PPP1R12B: variants seen among roughly 807,000 people sequenced by gnomAD.
PPP1R12B encodes the protein myosin phosphatase target subunit 2.
A neutral mutation model predicts 126.1 loss-of-function variants in PPP1R12B; 76 were observed. The ratio of observed to expected loss-of-function variants is 0.60; its 90% CI spans 0.50 to 0.73. The LOEUF is 0.73. PPP1R12B is among the 30% of genes least tolerant of loss of function. The pLI, the probability that PPP1R12B is intolerant of heterozygous loss-of-function variation, is 0.00. For synonymous variants in PPP1R12B, 356 were observed against 434.7 expected (o/e 0.82, Z 2.25); for missense variants, 1,052 against 1,205.1 (o/e 0.87, Z 1.88).
chr1:202,411,612 A>G (rs1332229951), intron 1 of PPP1R12B, among the ~76,000 whole-genome samples: 1 of 150,860 alleles, frequency 6.6e-6, no homozygotes, highest in African/African-American at 2.4e-5. Context: ...TTTCCCCTTG[A>G]GGCAGTTGCT....
chr1:202,446,256 A>ATATATATTTTTT (rs376183502), intron 12 of PPP1R12B, among the ~76,000 whole-genome samples: 42 of 54,330 alleles, frequency 7.7e-4, no homozygotes, highest in East Asian at 4.8e-3. Context: ...ATATATATAT[A>ATATATATTTTTT]TTTTTTTTTT....
intron 13 of PPP1R12B, among the ~76,000 whole-genome samples, chr1:202,478,010 AT>A (rs1315843122): frequency 6.6e-6 from 1 of 152,110 alleles, no homozygotes; most frequent in Non-Finnish European, 1.5e-5. Flanking sequence ...GGCTTCCATT[AT>A]TTTTATTTCT....
At chr1:202,372,454 A>AG (rs1660453464) in intron 1 of PPP1R12B, among the ~76,000 whole-genome samples, 1 of 152,132 alleles carries the variant, frequency 6.6e-6, no homozygotes, top group Non-Finnish European at 1.5e-5. Flanking sequence ...CAGTGAGCTG[A>AG]GATCAACACT....
intron 18 of PPP1R12B, among the ~76,000 whole-genome samples, chr1:202,549,090 G>A (rs574367897): frequency 6.6e-6 from 1 of 152,054 alleles, no homozygotes; most frequent in Non-Finnish European, 1.5e-5. Flanking sequence ...GTTCCCTATT[G>A]GGGGTATGAA....
intron 9 of PPP1R12B, among the ~76,000 whole-genome samples, chr1:202,435,171 C>G (rs1670649408): frequency 6.6e-6 from 1 of 152,196 alleles, no homozygotes; most frequent in African/African-American, 2.4e-5. Context: ...CTCACAGACC[C>G]TTATCTCCAA....
At chr1:202,381,144 G>A (rs1487123656) in intron 1 of PPP1R12B, among the ~76,000 whole-genome samples, 3 of 151,912 alleles carry the variant, frequency 2.0e-5, no homozygotes, top group Non-Finnish European at 2.9e-5. Flanking sequence ...ACATACATAC[G>A]TACTTTTCAG....
At chr1:202,532,487 A>G (rs1325984306) in intron 18 of PPP1R12B, among the ~76,000 whole-genome samples, 1 of 152,318 alleles carries the variant, frequency 6.6e-6, no homozygotes, top group East Asian at 1.9e-4. Flanking sequence ...AAACATACCA[A>G]TACCTTAGTC....
intron 13 of PPP1R12B, among the ~76,000 whole-genome samples, chr1:202,471,149 C>A (rs1675817423): frequency 1.3e-5 from 2 of 152,236 alleles, no homozygotes; most frequent in South Asian, 4.1e-4. Context: ...TTTTCATTTG[C>A]ATACTTATAT....
chr1:202,373,907 T>A (rs2148460274), intron 1 of PPP1R12B, among the ~76,000 whole-genome samples: 1 of 147,610 alleles, frequency 6.8e-6, no homozygotes, highest in Middle Eastern at 3.4e-3. Context: ...AAATAAAATA[T>A]TATTTCTAAT....
chr1:202,405,838 T>C (rs1276644328), intron 1 of PPP1R12B, among the ~76,000 whole-genome samples: 4 of 152,226 alleles, frequency 2.6e-5, no homozygotes, highest in African/African-American at 2.4e-5. Context: ...TGGGAGGACA[T>C]GACAATAAGT....
chr1:202,539,534 T>G (rs1480386648), intron 18 of PPP1R12B, among the ~76,000 whole-genome samples: 2 of 152,226 alleles, frequency 1.3e-5, no homozygotes, highest in African/African-American at 4.8e-5. Flanking sequence ...TCTTATAAAC[T>G]CTTGGTTCCT....
intron 1 of PPP1R12B, among the ~76,000 whole-genome samples, chr1:202,355,839 G>T (rs1257822372): frequency 6.6e-6 from 1 of 152,148 alleles, no homozygotes; most frequent in African/African-American, 2.4e-5. Context: ...TTCAGTCAAC[G>T]ATTAGACTGA....
At chr1:202,426,425 G>T (rs1244087215) in intron 4 of PPP1R12B, among the ~76,000 whole-genome samples, 1 of 152,094 alleles carries the variant, frequency 6.6e-6, no homozygotes, top group Admixed American at 6.6e-5. Flanking sequence ...GGGTCTTCAG[G>T]AGTCAAATCT....
intron 23 of PPP1R12B, 124 bp downstream of exon 23, chr1:202,569,321 G>T (rs750853291): frequency 1.6e-5 from 16 of 997,414 alleles, no homozygotes; most frequent in Admixed American, 2.2e-5. Context: ...AAGAAGAAAT[G>T]ATGTGTAAAA....
chr1:202,488,643 A>T lies in PPP1R12B; in HGVS notation c.1941+20A>T. 1 of 1,571,908 alleles carries T rather than the reference A, an allele frequency of 6.4e-7. No individual in the cohort carries two copies. Among genetic ancestry groups the T allele is most frequent in the Non-Finnish European group, 8.7e-7 (1 of 1,146,654 alleles). On this transcript the variant is annotated intron_variant, in intron 14 of 23. Transcript: ENST00000608999. ...ACTCAAGTGAGTGTGGCTTTTTTTA[A>T]AATGTCATTTTGTGTATCTACCCTT...
chr1:202,397,878 A>G (rs1665222132), intron 1 of PPP1R12B, among the ~76,000 whole-genome samples: 1 of 152,142 alleles, frequency 6.6e-6, no homozygotes, highest in Admixed American at 6.6e-5. Context: ...TAACAATGGC[A>G]CTGGCAAGAA....
intron 1 of PPP1R12B, among the ~76,000 whole-genome samples, chr1:202,353,950 A>G (rs1237478249): frequency 6.6e-6 from 1 of 151,958 alleles, no homozygotes; most frequent in Non-Finnish European, 1.5e-5. Context: ...ATAACTGTAT[A>G]TCACCATTTG....
intron 1 of PPP1R12B, among the ~76,000 whole-genome samples, chr1:202,403,946 T>C (rs1571851065): frequency 6.6e-6 from 1 of 152,166 alleles, no homozygotes; most frequent in African/African-American, 2.4e-5. Context: ...ATCCATGTCC[T>C]CCCCAGTGTC....
intron 1 of PPP1R12B, among the ~76,000 whole-genome samples, chr1:202,384,517 A>G (rs1204532966): frequency 1.3e-5 from 2 of 152,222 alleles, no homozygotes; most frequent in African/African-American, 4.8e-5. Flanking sequence ...CCACAGAAAT[A>G]GAAAGTAAAT....
Sources: gnomAD v4.1 joint callset for allele counts (sites outside exome capture counted in the v4.1 genomes callset) on GRCh38, gnomAD v4.1.1 for gene constraint, MANE v1.5 for transcripts, NCBI Gene and HGNC (gene_info 2026-07-23, HGNC 2026-07-21) for gene names.